The following LY75 variants were observed in gnomAD, a reference collection of about 807,000 sequenced individuals.
LY75 encodes the protein lymphocyte antigen 75, also known as C-type lectin domain family 13 member B.
LY75 carries 185 observed loss-of-function variants against 231.7 expected under a neutral mutation model. That is an observed-to-expected ratio of 0.80 (90% confidence interval 0.71 to 0.90). The LOEUF (loss-of-function observed/expected upper bound fraction) is 0.90. LY75 is among the 40% of genes least tolerant of loss of function. The probability of loss-of-function intolerance (pLI) is 0.00; values close to 1 mark genes in which losing one functional copy is unlikely to be tolerated. For synonymous variants in LY75, 668 were observed against 689.0 expected, an observed-to-expected ratio of 0.97 and a Z score of 0.48; for missense variants, 1,947 against 2,050.2, an observed-to-expected ratio of 0.95 and a Z score of 0.97.
In LY75 at chr2:159,859,836, G is replaced by A. The variant is rs539050261; in HGVS notation, c.2268+985C>T. On this transcript the variant is annotated intron_variant, in intron 15 of 34. Transcript: ENST00000263636. ...TGACATATGTGACATGCCTAGTATA[G>A]TGGCTGGCTCATAAAGGAGTTAATC... Among the ~76,000 whole-genome samples the A allele has an allele frequency of 1.2e-3, 182 of 152,292 alleles. 1 individual carries two copies. The highest frequency in any genetic ancestry group is 2.0e-3 in the Non-Finnish European group (139 of 68,022).
intron 11 of LY75, among the ~76,000 whole-genome samples, chr2:159,877,868 CAAAACAAAAACA>C (rs918936297): frequency 8.6e-5 from 13 of 151,622 alleles, no homozygotes; most frequent in African/African-American, 2.2e-4. Flanking sequence ...GACCCCATCT[CAAAACAAAAACA>C]AAAACAAAAA....
At chr2:159,864,370 G>T (rs555403357) in intron 14 of LY75, among the ~76,000 whole-genome samples, 1 of 152,094 alleles carries the variant, frequency 6.6e-6, no homozygotes, top group East Asian at 1.9e-4. Flanking sequence ...TTCATAGTTT[G>T]GGGCCTACCA....
chr2:159,890,505 CT>C lies in LY75; in HGVS notation c.638-129del, dbSNP rs1685718723. 2.4e-6 allele frequency: 3 copies of C among 1,256,152 alleles called. No homozygotes were observed. In the African/African-American group the frequency reaches 4.6e-5, roughly 19 times the overall value. The allele number at this position is 1,256,152 out of a possible 1,614,324, so 77.8% of individuals were successfully genotyped here. On this transcript the variant is annotated intron_variant, in intron 3 of 34. Transcript: ENST00000263636. ...TATGCCCAAAGGGAGACTGCCATCA[CT>C]CATTTAGACCATATTTTGATCACAA... is the stretch of plus-strand genomic sequence containing the variant.
chr2:159,876,630 A>C (rs1017041943), intron 11 of LY75, among the ~76,000 whole-genome samples: 1 of 152,122 alleles, frequency 6.6e-6, no homozygotes, highest in Non-Finnish European at 1.5e-5. Flanking sequence ...TGGAGGAAGT[A>C]GTCATGGTAG....
At chr2:159,892,759 GTCTC>G (rs1460538591) in intron 3 of LY75, among the ~76,000 whole-genome samples, 2 of 152,084 alleles carry the variant, frequency 1.3e-5, no homozygotes, top group Non-Finnish European at 2.9e-5. Flanking sequence ...TGCTACTTTG[GTCTC>G]TCTCTGTCTT....
intron 2 of LY75, among the ~76,000 whole-genome samples, chr2:159,895,964 T>C (rs1276744648): frequency 6.6e-6 from 1 of 152,238 alleles, no homozygotes; most frequent in Admixed American, 6.5e-5. Flanking sequence ...TCTCTGAATG[T>C]GCAAATTTAT....
intron 3 of LY75, among the ~76,000 whole-genome samples, chr2:159,891,016 C>T (rs902932572): frequency 1.3e-5 from 2 of 152,076 alleles, no homozygotes; most frequent in Admixed American, 6.6e-5. Flanking sequence ...AAAGAAACTG[C>T]AAGCTGTTTC....
chr2:159,853,142 G>T, intron 20 of LY75, 131 bp downstream of exon 20: 2 of 917,374 alleles, frequency 2.2e-6, no homozygotes, highest in Non-Finnish European at 3.2e-6. Context: ...AGCTATTGTT[G>T]CTAATAATAA....
intron 4 of LY75, among the ~76,000 whole-genome samples, chr2:159,887,673 G>A (rs527739528): frequency 2.8e-4 from 43 of 151,982 alleles, no homozygotes; most frequent in Admixed American, 9.8e-4. Context: ...ATAATTAGGC[G>A]TATTGATATG....
intron 23 of LY75, 66 bp downstream of exon 23, chr2:159,849,914 A>C (rs1207136428): frequency 3.0e-5 from 47 of 1,558,180 alleles, no homozygotes; most frequent in Non-Finnish European, 4.1e-5. Context: ...GCTTAGTCCA[A>C]AAATGTATGA....
Position 159,820,067 on chromosome 2 carries a change from T to G in LY75, c.3959-147A>C, listed in dbSNP as rs1683242519. 3 of 648,688 alleles carry G rather than the reference T, an allele frequency of 4.6e-6. No homozygotes were observed. The South Asian group carries it at 1.5e-4, about 32-fold the overall frequency. The allele number at this position is 648,688 out of a possible 1,614,324, so 40.2% of individuals were successfully genotyped here. ...GATTATGTATAACCCTTTAAGATATTTTCTGATTATAACAGTAAATCATGC... is the reference window on the plus strand; with the variant it reads ...GATTATGTATAACCCTTTAAGATATGTTCTGATTATAACAGTAAATCATGC... On this transcript the variant is annotated intron_variant, in intron 28 of 34. Transcript: ENST00000263636.
In LY75 at chr2:159,893,777, TCTC is replaced by T. The variant is rs989390005; in HGVS notation, c.637+134_637+136del. 2.4e-5 allele frequency: 30 copies of T among 1,274,740 alleles called. No individual in the cohort carries two copies. In the South Asian group the frequency reaches 3.1e-4, roughly 13 times the overall value. 79.0% of individuals were successfully genotyped at this position (1,274,740 alleles called of 1,614,324 possible). ...TCATGGCTACACATTACCTCTCTCTTCTCCTCCAAACATACACTTCTTATCCGG... is the reference window on the plus strand; with the variant it reads ...TCATGGCTACACATTACCTCTCTCTTCTCCAAACATACACTTCTTATCCGG... On this transcript the variant is annotated intron_variant, in intron 3 of 34. Coordinates refer to ENST00000263636, the MANE Select transcript of LY75 (RefSeq NM_002349.4).
rs755059494 is a variant in LY75, at chr2:159,886,412, G to A, written c.913+8C>T. On this transcript the variant is annotated splice_region_variant and intron_variant, in intron 5 of 34. Transcript: ENST00000263636. ...TCTGTGCAGAGGGGGTAGGGAAAGA[G>A]CAGTTACCTGGATCCCAGTTGAGAA... is the stretch of plus-strand genomic sequence containing the variant. The A allele has an allele frequency of 6.2e-7, 1 of 1,606,148 alleles. No homozygotes were observed. Among genetic ancestry groups the A allele is most frequent in the South Asian group, 1.1e-5 (1 of 90,216 alleles).
In LY75 at chr2:159,881,087, C is replaced by T. The variant is rs1198803497; in HGVS notation, c.1400G>A (p.Gly467Glu). ...NKTPNCVSYL[G>E]ELGQWKVQSC... ...AAACCACAGGAGGTTTCGTACCTCT[C>T]CTAAGTAGGAAACACAGTTGGGCGT... The change falls in exon 8 of 35, where the codon GGA (glycine) becomes GAA (glutamate). Residue 467 changes from glycine (G) to glutamate (E), a missense_variant. Physicochemically the swap from Gly to Glu is moderately conservative, Grantham distance 98. Transcript: ENST00000263636. The T allele has an allele frequency of 1.9e-6, 3 of 1,613,394 alleles. No individual in the cohort carries two copies. The Admixed American group carries it at 5.0e-5, about 27-fold the overall frequency.
intron 31 of LY75, among the ~76,000 whole-genome samples, chr2:159,814,252 C>T (rs1683051915): frequency 6.6e-6 from 1 of 152,156 alleles, no homozygotes; most frequent in African/African-American, 2.4e-5. Flanking sequence ...CTAAGTCCAG[C>T]CTCTAATGGA....
chr2:159,881,276 C>A, intron 7 of LY75, 36 bp from the exon 8 acceptor site: 2 of 1,590,222 alleles, frequency 1.3e-6, no homozygotes, highest in South Asian at 1.1e-5. Flanking sequence ...TGGTTTTGCT[C>A]AATTAAATAC....
intron 28 of LY75, among the ~76,000 whole-genome samples, chr2:159,828,474 AG>A (rs1683547433): frequency 6.6e-6 from 1 of 152,190 alleles, no homozygotes; most frequent in African/African-American, 2.4e-5. Context: ...ACACTCACTT[AG>A]ATGGCTATAA....
chr2:159,829,082 C>G (rs997999752), intron 28 of LY75, among the ~76,000 whole-genome samples: 2 of 152,154 alleles, frequency 1.3e-5, no homozygotes, highest in Non-Finnish European at 2.9e-5. Flanking sequence ...AAAAAAGGTG[C>G]TAGGCATATT....
intron 28 of LY75, among the ~76,000 whole-genome samples, chr2:159,826,732 C>T (rs1449988802): frequency 3.3e-5 from 5 of 152,158 alleles, no homozygotes; most frequent in Admixed American, 6.5e-5. Flanking sequence ...GTAACCAAAA[C>T]ATCATGGTAC....
Sources: gnomAD v4.1 joint callset for allele counts (sites outside exome capture counted in the v4.1 genomes callset) on GRCh38, gnomAD v4.1.1 for gene constraint, MANE v1.5 for transcripts, NCBI Gene and HGNC (gene_info 2026-07-23, HGNC 2026-07-21) for gene names.